Variants in CCDC81 observed in about 807,000 individuals in gnomAD.
CCDC81 encodes coiled-coil domain-containing protein 81.
In CCDC81, 79 loss-of-function variants were observed where a neutral mutation model predicts 83.7. The ratio of observed to expected loss-of-function variants is 0.94; its 90% CI spans 0.79 to 1.14. The LOEUF (loss-of-function observed/expected upper bound fraction) is 1.14. Ranked by LOEUF, CCDC81 falls within the 50% of genes most tolerant of loss-of-function variation. The pLI, the probability that CCDC81 is intolerant of heterozygous loss-of-function variation, is 0.00. For synonymous variants in CCDC81, 252 were observed against 278.1 expected (o/e 0.91, Z 0.93); for missense variants, 791 against 778.1 (o/e 1.02, Z -0.20).
chr11:86,408,132 G>A lies in CCDC81; in HGVS notation c.975G>A (p.Met325Ile). The A allele has an allele frequency of 1.2e-6, 2 of 1,609,546 alleles. No homozygotes were observed. Among genetic ancestry groups the A allele is most frequent in the Non-Finnish European group, 1.7e-6 (2 of 1,178,986 alleles). ...CCTGAAATTTGGGATTGTAGGAAAT[G>A]TGCTATGTATGTTTGCAACGAGCAC... is the stretch of plus-strand genomic sequence containing the variant. ...CQDHNKAGQE[M>I]CYVCLQRAQR... The change falls in exon 9 of 15, where the codon ATG becomes ATA. Residue 325 changes from methionine to isoleucine, a missense_variant. Physicochemically the swap from Met to Ile is conservative, Grantham distance 10. Coordinates refer to ENST00000445632, the MANE Select transcript of CCDC81 (RefSeq NM_001156474.2).
At chr11:86,396,888 A>G (rs897983863) in intron 5 of CCDC81, among the ~76,000 whole-genome samples, 3 of 152,180 alleles carry the variant, frequency 2.0e-5, no homozygotes, top group African/African-American at 7.2e-5. Context: ...CCAGGAGGGA[A>G]ATAATTATAG....
chr11:86,396,357 T>C (rs542233646), intron 5 of CCDC81, among the ~76,000 whole-genome samples: 1 of 152,336 alleles, frequency 6.6e-6, no homozygotes, highest in Admixed American at 6.5e-5. Context: ...AGACTTTAGT[T>C]TTATTTCCAG....
chr11:86,375,350 C>A, intron 1 of CCDC81, 108 bp downstream of exon 1: 1 of 956,742 alleles, frequency 1.0e-6, no homozygotes, highest in Non-Finnish European at 1.6e-6. Flanking sequence ...GCCTGGCCTG[C>A]CGTGGCTAAG....
At chr11:86,397,501 G>T in intron 5 of CCDC81, 120 bp from the exon 6 acceptor site, 2 of 1,235,262 alleles carry the variant, frequency 1.6e-6, no homozygotes, top group Non-Finnish European at 2.2e-6. Flanking sequence ...CTCACCCCTT[G>T]AAGAAAGTGG....
At chr11:86,405,632 C>T (rs895437577) in intron 7 of CCDC81, among the ~76,000 whole-genome samples, 2 of 152,070 alleles carry the variant, frequency 1.3e-5, no homozygotes, top group African/African-American at 4.8e-5. Flanking sequence ...AAACTGTATC[C>T]CCTTCCAAAC....
chr11:86,422,445 C>T (rs532224207), intron 14 of CCDC81, 129 bp from the exon 15 acceptor site: 3 of 742,032 alleles, frequency 4.0e-6, no homozygotes, highest in Non-Finnish European at 6.6e-6. Context: ...ATGGGGTGAA[C>T]TGCAGCATAC....
At chr11:86,401,255 T>A (rs1236968909) in intron 7 of CCDC81, among the ~76,000 whole-genome samples, 1 of 152,206 alleles carries the variant, frequency 6.6e-6, no homozygotes, top group African/African-American at 2.4e-5. Context: ...TTACAATTTA[T>A]CATGGTCGTT....
chr11:86,415,289 A>C lies in CCDC81; in HGVS notation c.1667A>C (p.Gln556Pro), dbSNP rs577462642. The change falls in exon 13 of 15, where the codon CAA becomes CCA. Residue 556 changes from glutamine to proline, a missense_variant. Physicochemically the swap from Gln to Pro is moderately conservative, Grantham distance 76. Transcript: ENST00000445632. Reference sequence around the variant, plus strand: ...CTAGTGGACCAGAGGCGGGATTTGCAAATGCTTCAGAGGACACAAAGAGAG... The same window carrying C: ...CTAGTGGACCAGAGGCGGGATTTGCCAATGCTTCAGAGGACACAAAGAGAG... ...HQLVDQRRDL[Q>P]MLQRTQREHL... 6.2e-7 allele frequency: 1 copy of C among 1,614,076 alleles called. No individual in the cohort carries two copies. Among genetic ancestry groups the C allele is most frequent in the South Asian group, 1.1e-5 (1 of 91,068 alleles).
At chr11:86,380,041 C>G (rs1948156426) in intron 1 of CCDC81, among the ~76,000 whole-genome samples, 1 of 111,686 alleles carries the variant, frequency 9.0e-6, no homozygotes, top group South Asian at 3.1e-4. Context: ...GATGGTCTTC[C>G]CTTTTTTTTT....
chr11:86,381,572 T>C (rs1392215788), intron 1 of CCDC81, among the ~76,000 whole-genome samples: 1 of 152,178 alleles, frequency 6.6e-6, no homozygotes, highest in African/African-American at 2.4e-5. Context: ...CAGCATTGGT[T>C]CTTGATGCTG....
Position 86,415,292 on chromosome 11 carries a change from T to C in CCDC81, c.1670T>C (p.Met557Thr). 1 of 1,614,026 alleles carries C rather than the reference T, an allele frequency of 6.2e-7. No individual in the cohort carries two copies. The highest frequency in any genetic ancestry group is 8.5e-7 in the Non-Finnish European group (1 of 1,179,958). ...QLVDQRRDLQ[M>T]LQRTQREHLA... ...GTGGACCAGAGGCGGGATTTGCAAA[T>C]GCTTCAGAGGACACAAAGAGAGTAA... Residue 557 changes from methionine to threonine, a missense_variant, in exon 13 of 15, where the codon ATG becomes ACG. By Grantham distance (81) the Met-to-Thr change is moderately conservative. Coordinates refer to ENST00000445632, the MANE Select transcript of CCDC81 (RefSeq NM_001156474.2).
At chr11:86,384,618 T>C (rs1948217535) in intron 1 of CCDC81, among the ~76,000 whole-genome samples, 2 of 152,306 alleles carry the variant, frequency 1.3e-5, no homozygotes, top group South Asian at 4.1e-4. Context: ...GTTTAAATTG[T>C]TAGAAAAAAG....
chr11:86,408,045 C>T, intron 8 of CCDC81, 82 bp from the exon 9 acceptor site: 1 of 1,405,136 alleles, frequency 7.1e-7, no homozygotes, highest in Non-Finnish European at 9.8e-7. Context: ...ATATACCTAG[C>T]CTTTGGAGAG....
rs552540908 is a variant in CCDC81 at position 86,376,124 on chromosome 11, G to A, written c.79+882G>A. 3.9e-5 allele frequency among the ~76,000 whole-genome samples: 6 copies of A among 152,216 alleles called. No homozygotes were observed. The South Asian group carries it at 6.2e-4, about 16-fold the overall frequency. ...ATATGCTGAGCACTAGTTAACTTAC[G>A]GTGAACAAACATCTTGGAATTTACT... On this transcript the variant is annotated intron_variant, in intron 1 of 14. Coordinates refer to ENST00000445632, the MANE Select transcript of CCDC81 (RefSeq NM_001156474.2).
At chr11:86,379,870 G>C (rs924736652) in intron 1 of CCDC81, among the ~76,000 whole-genome samples, 5 of 152,162 alleles carry the variant, frequency 3.3e-5, no homozygotes, top group Non-Finnish European at 7.3e-5. Flanking sequence ...TGTAGTCCCA[G>C]CTACTCAGGA....
At chr11:86,379,386 G>A (rs971241287) in intron 1 of CCDC81, among the ~76,000 whole-genome samples, 5 of 152,164 alleles carry the variant, frequency 3.3e-5, no homozygotes, top group Middle Eastern at 3.4e-3. Context: ...GTGAGCCACC[G>A]TGCCAGGCCC....
chr11:86,390,015 G>T (rs572991682), intron 3 of CCDC81, among the ~76,000 whole-genome samples: 1 of 152,312 alleles, frequency 6.6e-6, no homozygotes, highest in East Asian at 1.9e-4. Context: ...TAAGGCAGGA[G>T]ACTTGCTTGA....
At chr11:86,385,920 T>C (rs1948235638) in intron 1 of CCDC81, 131 bp from the exon 2 acceptor site, 1 of 379,086 alleles carries the variant, frequency 2.6e-6, no homozygotes, top group African/African-American at 2.2e-5. Context: ...TTTTGTTAAT[T>C]CTAAATTAAT....
At chr11:86,388,325 C>T (rs574464946) in intron 3 of CCDC81, among the ~76,000 whole-genome samples, 1 of 152,116 alleles carries the variant, frequency 6.6e-6, no homozygotes, top group South Asian at 2.1e-4. Flanking sequence ...ATAATCCCTG[C>T]CACAGACTGC....
Sources: gnomAD v4.1 joint callset for allele counts (sites outside exome capture counted in the v4.1 genomes callset) on GRCh38, gnomAD v4.1.1 for gene constraint, MANE v1.5 for transcripts, NCBI Gene and HGNC (gene_info 2026-07-23, HGNC 2026-07-21) for gene names.